SLC6A6: variants seen among roughly 807,000 people sequenced by gnomAD.
SLC6A6 encodes sodium- and chloride-dependent taurine transporter.
SLC6A6 carries 16 observed loss-of-function variants against 68.8 expected under a neutral mutation model. The ratio of observed to expected loss-of-function variants is 0.23; its 90% CI spans 0.16 to 0.35. The LOEUF is 0.35. SLC6A6 is among the 10% of genes least tolerant of loss of function. The pLI is 1.00. For missense variants in SLC6A6, 474 were observed against 802.8 expected (o/e 0.59, Z 4.95); for synonymous variants, 312 against 315.4 (o/e 0.99, Z 0.12).
At chr3:14,426,452 A>T (rs1002231161) in intron 2 of SLC6A6, among the ~76,000 whole-genome samples, 4 of 152,246 alleles carry the variant, frequency 2.6e-5, no homozygotes, top group Admixed American at 2.0e-4. Flanking sequence ...ACGAGGTTGG[A>T]GGATTTTGCA....
intron 9 of SLC6A6, among the ~76,000 whole-genome samples, chr3:14,469,757 T>C (rs925100848): frequency 1.3e-5 from 2 of 152,120 alleles, no homozygotes; most frequent in African/African-American, 4.8e-5. Context: ...CCCTCCTCAC[T>C]GTCTTCTTTG....
At chr3:14,453,891 C>T (rs1232390807) in intron 5 of SLC6A6, among the ~76,000 whole-genome samples, 13 of 152,238 alleles carry the variant, frequency 8.5e-5, no homozygotes, top group East Asian at 7.7e-4. Flanking sequence ...GGCAGGATCG[C>T]GTTCGACCTG....
At chr3:14,413,124 G>A (rs1241253460) in intron 1 of SLC6A6, among the ~76,000 whole-genome samples, 4 of 152,254 alleles carry the variant, frequency 2.6e-5, no homozygotes, top group African/African-American at 7.2e-5. Flanking sequence ...GGCCCACAGC[G>A]GGATTTGGGG....
intron 10 of SLC6A6, among the ~76,000 whole-genome samples, chr3:14,475,018 A>G (rs895083859): frequency 1.3e-5 from 2 of 152,142 alleles, no homozygotes; most frequent in African/African-American, 4.8e-5. Context: ...CATCCAGGCT[A>G]CCCAAGAGGG....
chr3:14,461,363 C>T (rs1313193941), intron 6 of SLC6A6, among the ~76,000 whole-genome samples: 2 of 152,228 alleles, frequency 1.3e-5, no homozygotes, highest in African/African-American at 4.8e-5. Flanking sequence ...GATTTGGACC[C>T]AGGCGGCCCC....
At chr3:14,446,008 C>T (rs566468922) in intron 4 of SLC6A6, among the ~76,000 whole-genome samples, 157 bp downstream of exon 4, 7 of 152,314 alleles carry the variant, frequency 4.6e-5, no homozygotes, top group Admixed American at 6.5e-5. Context: ...CAGTGTGATG[C>T]GGATGCTGCT....
At chr3:14,433,001 G>A (rs549314898) in intron 2 of SLC6A6, among the ~76,000 whole-genome samples, 2 of 152,286 alleles carry the variant, frequency 1.3e-5, no homozygotes, top group Admixed American at 6.5e-5. Flanking sequence ...GACCAGACAC[G>A]GAACCTTGTC....
intron 2 of SLC6A6, among the ~76,000 whole-genome samples, chr3:14,437,059 C>T (rs1456812306): frequency 3.6e-5 from 2 of 56,240 alleles, no homozygotes; most frequent in Non-Finnish European, 7.0e-5. Context: ...GCCTTTTCCT[C>T]ATGTGTGACT....
rs1276254238 is a variant in SLC6A6, at chr3:14,450,519, C to T, written c.599+2703C>T. On this transcript the variant is annotated intron_variant, in intron 5 of 14. Coordinates refer to ENST00000622186, the MANE Select transcript of SLC6A6 (RefSeq NM_003043.6). This position sits in a 1 kb window ranked among gnomAD's most constrained non-coding sequence, Gnocchi z 4.1. Reference sequence around the variant, plus strand: ...TCCAGCTCTCACACCTCTCCTACCCCTGCACCCCTAGCCCCAGATTCCAGC... The same window carrying T: ...TCCAGCTCTCACACCTCTCCTACCCTTGCACCCCTAGCCCCAGATTCCAGC... 1.3e-5 allele frequency among the ~76,000 whole-genome samples: 2 copies of T among 152,240 alleles called. No individual in the cohort carries two copies. The highest frequency in any genetic ancestry group is 3.9e-4 in the East Asian group (2 of 5,188).
intron 10 of SLC6A6, among the ~76,000 whole-genome samples, chr3:14,475,336 C>T (rs1361702250): frequency 6.6e-6 from 1 of 151,888 alleles, no homozygotes; most frequent in Non-Finnish European, 1.5e-5. Context: ...CCAGCTGGGA[C>T]ATGGTTTTTT....
chr3:14,428,177 G>T (rs1212693756), intron 2 of SLC6A6, among the ~76,000 whole-genome samples: 2 of 152,208 alleles, frequency 1.3e-5, no homozygotes, highest in African/African-American at 4.8e-5. Flanking sequence ...GCTGGCCCCT[G>T]AGAGGCCTGG....
chr3:14,463,711 C>T (rs1700549634), intron 6 of SLC6A6, among the ~76,000 whole-genome samples: 1 of 152,182 alleles, frequency 6.6e-6, no homozygotes, highest in African/African-American at 2.4e-5. Flanking sequence ...TGTGCCCCCG[C>T]CCTCCACGTC....
At position 14,489,166 on chromosome 3, in the gene SLC6A6, A is replaced by C. The variant is rs372896141; in HGVS notation, c.*4159A>C. The C allele has an allele frequency of 6.6e-6, 1 of 152,572 alleles. No individual in the cohort carries two copies. The highest frequency in any genetic ancestry group is 1.5e-5 in the Non-Finnish European group (1 of 68,038). The allele number at this position is 152,572 out of a possible 1,614,324, so 9.5% of individuals were successfully genotyped here. On this transcript the variant is annotated 3_prime_UTR_variant, in exon 15 of 15. Coordinates refer to ENST00000622186, the MANE Select transcript of SLC6A6 (RefSeq NM_003043.6). ...TCCTTGGTGTGTAGTTCAGTCTTGC[A>C]GTATACAAGCTTTTGTGTATAAATG...
chr3:14,440,136 CT>C (rs1464760861), intron 2 of SLC6A6, among the ~76,000 whole-genome samples: 1 of 152,140 alleles, frequency 6.6e-6, no homozygotes, highest in Non-Finnish European at 1.5e-5. Context: ...TGCACCCCCC[CT>C]CATTTAACCC....
At chr3:14,467,740 C>T in intron 7 of SLC6A6, 113 bp from the exon 8 acceptor site, 1 of 640,806 alleles carries the variant, frequency 1.6e-6, no homozygotes, top group Non-Finnish European at 2.8e-6. Flanking sequence ...TTTGCATGTG[C>T]AAGGTCCCGT....
At chr3:14,457,420 T>G (rs1700394183) in intron 5 of SLC6A6, among the ~76,000 whole-genome samples, 1 of 152,176 alleles carries the variant, frequency 6.6e-6, no homozygotes, top group Admixed American at 6.5e-5. Context: ...TTTAGGACCT[T>G]GTGTGACTTA....
intron 10 of SLC6A6, among the ~76,000 whole-genome samples, chr3:14,473,662 A>G (rs1700805549): frequency 6.6e-6 from 1 of 152,206 alleles, no homozygotes; most frequent in African/African-American, 2.4e-5. Flanking sequence ...AGACAGAACG[A>G]AAACATCAGG....
chr3:14,447,165 A>C (rs1221746814), intron 4 of SLC6A6, among the ~76,000 whole-genome samples: 1 of 152,076 alleles, frequency 6.6e-6, no homozygotes, highest in African/African-American at 2.4e-5. Flanking sequence ...CCATTCATTC[A>C]ATCATCCAAC....
chr3:14,455,420 A>G (rs946227832), intron 5 of SLC6A6, among the ~76,000 whole-genome samples: 1 of 152,188 alleles, frequency 6.6e-6, no homozygotes, highest in Non-Finnish European at 1.5e-5. Flanking sequence ...TAAGCTTCTC[A>G]GCCAGCTTGC....
Sources: gnomAD v4.1 joint callset for allele counts (sites outside exome capture counted in the v4.1 genomes callset) on GRCh38, gnomAD v4.1.1 for gene constraint, Gnocchi (gnomAD v3.1) non-coding constraint, MANE v1.5 for transcripts, NCBI Gene and HGNC (gene_info 2026-07-23, HGNC 2026-07-21) for gene names.